The following MACROH2A2 variants were observed in gnomAD, a reference collection of about 807,000 sequenced individuals.
MACROH2A2 encodes core histone macro-H2A.2.
MACROH2A2 carries 6 observed loss-of-function variants against 37.6 expected under a neutral mutation model. That is an observed-to-expected ratio of 0.16 (90% CI 0.09 to 0.32). The LOEUF (loss-of-function observed/expected upper bound fraction) is 0.32. Ranked by LOEUF, MACROH2A2 falls within the 10% of genes least tolerant of loss-of-function variation. The pLI is 1.00. For missense variants in MACROH2A2, 290 were observed against 485.9 expected (o/e 0.60, Z 3.79); for synonymous variants, 192 against 202.7 (o/e 0.95, Z 0.45).
intron 2 of MACROH2A2, among the ~76,000 whole-genome samples, chr10:70,076,107 T>A (rs1382384518): frequency 6.6e-6 from 1 of 152,202 alleles, no homozygotes; most frequent in African/African-American, 2.4e-5. Flanking sequence ...GCAAAAGATA[T>A]GTCTTGCTTT....
At chr10:70,091,636 T>C (rs2072245112) in intron 3 of MACROH2A2, 121 bp from the exon 4 acceptor site, 15 of 681,410 alleles carry the variant, frequency 2.2e-5, no homozygotes, top group Non-Finnish European at 3.4e-5. Context: ...ATCGCGCCAC[T>C]GCACTCCAGC....
chr10:70,075,563 A>G lies in MACROH2A2; in HGVS notation c.-59-37A>G, dbSNP rs1428563736. 9 of 1,248,824 alleles carry G rather than the reference A, an allele frequency of 7.2e-6. No individual in the cohort carries two copies. Among genetic ancestry groups the G allele is most frequent in the African/African-American group, 4.4e-5 (3 of 67,928 alleles). 77.4% of individuals were successfully genotyped at this position (1,248,824 alleles called of 1,614,324 possible). On this transcript the variant is annotated intron_variant, in intron 1 of 8. Transcript: ENST00000373255. This position sits in a 1 kb window ranked among gnomAD's most constrained non-coding sequence, Gnocchi z 5.0. ...GCCACTGTGCCCAAGATGTTTGCCA[A>G]CTACCCTTCCTCAACTCTGTCTTCT...
chr10:70,096,450 A>C (rs1207385897), intron 6 of MACROH2A2, among the ~76,000 whole-genome samples: 1 of 152,200 alleles, frequency 6.6e-6, no homozygotes, highest in Non-Finnish European at 1.5e-5. Context: ...ATAAAAGGGA[A>C]ATGGACATCT....
chr10:70,103,953 T>G (rs1236030602), intron 7 of MACROH2A2, among the ~76,000 whole-genome samples: 1 of 152,072 alleles, frequency 6.6e-6, no homozygotes, highest in African/African-American at 2.4e-5. Context: ...ATCCAGACAC[T>G]AGCTGGAAAG....
chr10:70,069,784 A>G (rs1284792182), intron 1 of MACROH2A2, among the ~76,000 whole-genome samples: 2 of 152,150 alleles, frequency 1.3e-5, no homozygotes, highest in Non-Finnish European at 2.9e-5. Flanking sequence ...GCCTACACCG[A>G]GACTCCAATT....
intron 1 of MACROH2A2, among the ~76,000 whole-genome samples, chr10:70,059,383 T>TC (rs1401226185): frequency 6.6e-6 from 1 of 151,760 alleles, no homozygotes; most frequent in East Asian, 1.9e-4. Flanking sequence ...TTTCTTTTTT[T>TC]TTTTTTTGAG....
chr10:70,082,258 A>G (rs2072182280), intron 2 of MACROH2A2, among the ~76,000 whole-genome samples: 1 of 152,084 alleles, frequency 6.6e-6, no homozygotes, highest in African/African-American at 2.4e-5. Flanking sequence ...CGTCTCTACT[A>G]AAAATACAAA....
chr10:70,089,793 C>G (rs528883629), intron 2 of MACROH2A2, among the ~76,000 whole-genome samples: 9 of 151,924 alleles, frequency 5.9e-5, no homozygotes, highest in Admixed American at 4.6e-4. Context: ...GGGTCTCACT[C>G]TGTTGCCCAG....
chr10:70,093,897 A>G (rs1210692387), intron 5 of MACROH2A2, 52 bp downstream of exon 5: 14 of 938,166 alleles, frequency 1.5e-5, no homozygotes, highest in Non-Finnish European at 2.3e-5. Context: ...GTATTTTTAT[A>G]ACCTACTGTT....
chr10:70,071,013 G>A (rs1210892470), intron 1 of MACROH2A2, among the ~76,000 whole-genome samples: 1 of 151,780 alleles, frequency 6.6e-6, no homozygotes, highest in Non-Finnish European at 1.5e-5. Flanking sequence ...GTGTGTGTGT[G>A]TGAGCGCGTG....
chr10:70,109,906 C>T (rs2072360215), intron 8 of MACROH2A2, among the ~76,000 whole-genome samples: 1 of 152,144 alleles, frequency 6.6e-6, no homozygotes, highest in South Asian at 2.1e-4. Context: ...CCCTTCATGC[C>T]CCTAGCCAAT....
rs139162346 is a variant in MACROH2A2 at position 70,111,837 on chromosome 10, C to G, written c.*154C>G. 367 of 491,626 alleles carry G rather than the reference C, an allele frequency of 7.5e-4. No homozygotes were observed. The highest frequency in any genetic ancestry group is 6.4e-3 in the African/African-American group (321 of 50,354). 30.5% of individuals were successfully genotyped at this position (491,626 alleles called of 1,614,324 possible). ...GGGAGCCCTCTGCCCTTCACACTCT[C>G]CTCCAAAAGAGCCTCCATCTGTAAG... On this transcript the variant is annotated 3_prime_UTR_variant, in exon 9 of 9. Transcript: ENST00000373255.
chr10:70,056,241 T>C (rs1366466991), intron 1 of MACROH2A2, among the ~76,000 whole-genome samples: 1 of 152,164 alleles, frequency 6.6e-6, no homozygotes, highest in Non-Finnish European at 1.5e-5. Context: ...TGTAATTTGT[T>C]TTTTTTGTTT....
chr10:70,070,319 C>G (rs1445772690), intron 1 of MACROH2A2, among the ~76,000 whole-genome samples: 1 of 152,196 alleles, frequency 6.6e-6, no homozygotes, highest in Non-Finnish European at 1.5e-5. Context: ...AAGGCCCTCA[C>G]TTAGAGGGAA....
At chr10:70,082,878 T>C (rs2072188527) in intron 2 of MACROH2A2, among the ~76,000 whole-genome samples, 1 of 152,202 alleles carries the variant, frequency 6.6e-6, no homozygotes, top group Admixed American at 6.5e-5. Context: ...GAAAAAGTTC[T>C]GGAAATGGAT....
In MACROH2A2 at chr10:70,053,630, G is replaced by C. The variant is rs1214150995; in HGVS notation, c.-60+630G>C. On this transcript the variant is annotated intron_variant, in intron 1 of 8. Coordinates refer to ENST00000373255, the MANE Select transcript of MACROH2A2 (RefSeq NM_018649.3). The surrounding 1 kb of genome is among the most constrained non-coding windows in gnomAD (Gnocchi z 4.8). ...CCGGGTGGCGGGGCGAGGGCTGGGGGTTGCTGCGCGGACACCCGGGCGCCG... is the reference window on the plus strand; with the variant it reads ...CCGGGTGGCGGGGCGAGGGCTGGGGCTTGCTGCGCGGACACCCGGGCGCCG... 6.6e-6 allele frequency among the ~76,000 whole-genome samples: 1 copy of C among 151,250 alleles called. No individual in the cohort carries two copies. Among genetic ancestry groups the C allele is most frequent in the African/African-American group, 2.4e-5 (1 of 41,312 alleles).
At chr10:70,082,453 A>G (rs1202183127) in intron 2 of MACROH2A2, among the ~76,000 whole-genome samples, 8 of 152,032 alleles carry the variant, frequency 5.3e-5, no homozygotes, top group Admixed American at 4.6e-4. Context: ...GAAAGAAAGA[A>G]AGAGAGAAAG....
rs549843704 is a variant in MACROH2A2 at position 70,087,617 on chromosome 10, T to A, written c.173-2443T>A. ...TGAAAGCACAAGCCTGCTTATCTAA[T>A]ACAGCATTAATTTCATTTTTCCAGT... On this transcript the variant is annotated intron_variant, in intron 2 of 8. Coordinates refer to ENST00000373255, the MANE Select transcript of MACROH2A2 (RefSeq NM_018649.3). 4.6e-5 allele frequency among the ~76,000 whole-genome samples: 7 copies of A among 152,332 alleles called. No homozygotes were observed. The East Asian group carries it at 1.2e-3, about 25-fold the overall frequency.
intron 2 of MACROH2A2, among the ~76,000 whole-genome samples, chr10:70,089,655 G>C (rs533574646): frequency 6.6e-6 from 1 of 152,300 alleles, no homozygotes; most frequent in East Asian, 1.9e-4. Context: ...CTGATGCTGA[G>C]GGACAACCAG....
Sources: gnomAD v4.1 joint callset for allele counts (sites outside exome capture counted in the v4.1 genomes callset) on GRCh38, gnomAD v4.1.1 for gene constraint, Gnocchi (gnomAD v3.1) non-coding constraint, MANE v1.5 for transcripts, NCBI Gene and HGNC (gene_info 2026-07-23, HGNC 2026-07-21) for gene names.